The following RBMS3 variants were observed in gnomAD, a reference collection of about 807,000 sequenced individuals.
RBMS3 encodes the protein RNA binding motif single stranded interacting protein 3.
In RBMS3, 27 loss-of-function variants were observed where a neutral mutation model predicts 66.8. That is an observed-to-expected ratio of 0.40 (90% confidence interval 0.30 to 0.56). RBMS3 has a LOEUF of 0.56. Ranked by LOEUF, RBMS3 falls within the 20% of genes least tolerant of loss-of-function variation. The probability of loss-of-function intolerance (pLI) is 0.40; values close to 1 mark genes in which losing one functional copy is unlikely to be tolerated. For missense variants in RBMS3, 513 were observed against 549.5 expected, an observed-to-expected ratio of 0.93 and a Z score of 0.66; for synonymous variants, 188 against 183.0, an observed-to-expected ratio of 1.03 and a Z score of -0.22.
At chr3:29,569,815 T>C (rs2046884091) in intron 3 of RBMS3, among the ~76,000 whole-genome samples, 1 of 152,196 alleles carries the variant, frequency 6.6e-6, no homozygotes. Flanking sequence ...TTAAAAATCT[T>C]TCCAAATCTT....
intron 4 of RBMS3, among the ~76,000 whole-genome samples, chr3:29,624,823 T>C (rs1242239923): frequency 2.0e-5 from 3 of 152,204 alleles, no homozygotes; most frequent in African/African-American, 7.2e-5. Context: ...TGTATGACGA[T>C]ATCTTTTGAA....
chr3:29,715,147 G>T (rs1301474266), intron 4 of RBMS3, among the ~76,000 whole-genome samples: 2 of 152,016 alleles, frequency 1.3e-5, no homozygotes, highest in Non-Finnish European at 2.9e-5. Context: ...TGTCCTTTAT[G>T]AATTGTAAAA....
rs955054320 is a variant in RBMS3 at position 29,936,134 on chromosome 3, G to A, written c.988G>A (p.Ala330Thr). 2 of 1,613,310 alleles carry A rather than the reference G, an allele frequency of 1.2e-6. No homozygotes were observed. Among genetic ancestry groups the A allele is most frequent in the East Asian group, 2.2e-5 (1 of 44,826 alleles). Residue 330 changes from alanine to threonine, a missense_variant, in exon 11 of 15, where the codon GCC becomes ACC. By Grantham distance (58) the Ala-to-Thr change is moderately conservative (BLOSUM62 0). Transcript: ENST00000383767. The part of the protein sequence containing the change: ...TMDHPMSMQP[A>T]NMMGPLTQQM... Reference sequence around the variant, plus strand: ...GGACCATCCCATGTCAATGCAGCCAGCCAACATGATGGGCCCACTGACACA... The same window carrying A: ...GGACCATCCCATGTCAATGCAGCCAACCAACATGATGGGCCCACTGACACA...
intron 6 of RBMS3, among the ~76,000 whole-genome samples, chr3:29,818,825 A>C (rs1576901697): frequency 6.6e-6 from 1 of 152,248 alleles, no homozygotes; most frequent in East Asian, 1.9e-4. Context: ...ATAAGCATAA[A>C]TTAGTTATGT....
At chr3:29,479,226 A>G (rs1423139601) in intron 2 of RBMS3, among the ~76,000 whole-genome samples, 1 of 151,846 alleles carries the variant, frequency 6.6e-6, no homozygotes, top group Non-Finnish European at 1.5e-5. Flanking sequence ...AGAATTTGCA[A>G]TAAATATGTA....
intron 12 of RBMS3, among the ~76,000 whole-genome samples, chr3:29,971,413 G>A (rs1166154267): frequency 6.6e-6 from 1 of 151,948 alleles, no homozygotes; most frequent in Non-Finnish European, 1.5e-5. Flanking sequence ...TGTTTCATAA[G>A]TGGCTCCAGT....
At chr3:29,794,695 T>G (rs559232786) in intron 6 of RBMS3, among the ~76,000 whole-genome samples, 2 of 152,306 alleles carry the variant, frequency 1.3e-5, no homozygotes, top group South Asian at 2.1e-4. Context: ...AGACTGTAAG[T>G]GAATCATGGA....
chr3:29,675,491 A>G (rs2051205017), intron 4 of RBMS3, among the ~76,000 whole-genome samples: 1 of 152,222 alleles, frequency 6.6e-6, no homozygotes, highest in African/African-American at 2.4e-5. Flanking sequence ...TGAACAGGCT[A>G]CTTACAGAAT....
At chr3:29,962,689 A>G (rs527937200) in intron 12 of RBMS3, among the ~76,000 whole-genome samples, 1 of 151,908 alleles carries the variant, frequency 6.6e-6, no homozygotes, top group Admixed American at 6.6e-5. Context: ...AGAGGATTAC[A>G]TCTTGCTTGG....
chr3:29,483,269 A>AGC (rs2043205694), intron 2 of RBMS3, among the ~76,000 whole-genome samples: 1 of 148,000 alleles, frequency 6.8e-6, no homozygotes, highest in African/African-American at 2.5e-5. Context: ...AGATCGCGTC[A>AGC]CTGCACTCCA....
intron 1 of RBMS3, among the ~76,000 whole-genome samples, chr3:29,328,724 G>C (rs1436614644): frequency 6.6e-6 from 1 of 152,102 alleles, no homozygotes; most frequent in African/African-American, 2.4e-5. Flanking sequence ...CATTGGGTTA[G>C]ATCTCTCATA....
intron 4 of RBMS3, among the ~76,000 whole-genome samples, chr3:29,657,040 G>A (rs1402429055): frequency 1.3e-5 from 2 of 152,176 alleles, no homozygotes; most frequent in African/African-American, 2.4e-5. Context: ...GATTATGAGC[G>A]AAGTCTGAGA....
At chr3:29,937,759 G>A (rs185063095) in intron 11 of RBMS3, among the ~76,000 whole-genome samples, 220 of 152,012 alleles carry the variant, frequency 1.4e-3, no homozygotes, top group East Asian at 5.6e-3. Context: ...TGGAGATAGA[G>A]CTTGAAGACA....
chr3:29,643,744 G>A (rs1434440539), intron 4 of RBMS3, among the ~76,000 whole-genome samples: 4 of 152,056 alleles, frequency 2.6e-5, no homozygotes, highest in Admixed American at 6.6e-5. Flanking sequence ...AGAAAAGGCC[G>A]GAGAAAAGAG....
intron 1 of RBMS3, among the ~76,000 whole-genome samples, chr3:29,356,959 A>G (rs1313409491): frequency 2.0e-5 from 3 of 152,152 alleles, no homozygotes; most frequent in Non-Finnish European, 4.4e-5. Flanking sequence ...TTTACAACAT[A>G]TTATCCATGC....
chr3:29,989,992 C>G (rs1273362447), intron 13 of RBMS3, among the ~76,000 whole-genome samples: 1 of 152,078 alleles, frequency 6.6e-6, no homozygotes, highest in Non-Finnish European at 1.5e-5. Context: ...TTATTGGAAA[C>G]AGTCTAATTA....
chr3:29,957,184 G>T (rs908445460), intron 12 of RBMS3, among the ~76,000 whole-genome samples: 1 of 152,016 alleles, frequency 6.6e-6, no homozygotes, highest in Non-Finnish European at 1.5e-5. Context: ...GTAACATTTA[G>T]CACACTGAAT....
intron 4 of RBMS3, among the ~76,000 whole-genome samples, chr3:29,649,399 G>A (rs2050062895): frequency 6.6e-6 from 1 of 152,048 alleles, no homozygotes; most frequent in African/African-American, 2.4e-5. Flanking sequence ...TCTAACACAT[G>A]ACATTTTAAA....
chr3:29,854,539 G>A (rs2059024102), intron 6 of RBMS3, among the ~76,000 whole-genome samples: 1 of 152,136 alleles, frequency 6.6e-6, no homozygotes, highest in Admixed American at 6.5e-5. Flanking sequence ...ACTAAATTAG[G>A]AACAGTTCAC....
Sources: allele counts gnomAD v4.1 joint callset (sites outside exome capture counted in the v4.1 genomes callset), GRCh38; gene constraint gnomAD v4.1.1; transcripts MANE v1.5; gene names NCBI Gene and HGNC (gene_info 2026-07-23, HGNC 2026-07-21).